The following PGM3 variants were observed in gnomAD, a reference collection of about 807,000 sequenced individuals.
PGM3 encodes phosphoglucomutase 3, also known as phosphoacetylglucosamine mutase.
Under a neutral mutation model 66.2 loss-of-function variants are expected in PGM3, and 40 were observed. The observed-to-expected ratio is 0.60, with a 90% confidence interval of 0.47 to 0.79. The LOEUF is 0.79. Among genes scored for constraint, PGM3 ranks in the 30% least tolerant of loss-of-function variants. The pLI, the probability that PGM3 is intolerant of heterozygous loss-of-function variation, is 0.00. For synonymous variants in PGM3, 191 were observed against 224.2 expected, an observed-to-expected ratio of 0.85 and a Z score of 1.32; for missense variants, 537 against 643.4, an observed-to-expected ratio of 0.83 and a Z score of 1.79.
intron 12 of PGM3, 58 bp downstream of exon 12, chr6:83,170,247 G>A: frequency 2.0e-6 from 3 of 1,491,320 alleles, no homozygotes; most frequent in South Asian, 1.2e-5. Flanking sequence ...CATTAAAATA[G>A]TTTGCCTGCC....
chr6:83,168,967 T>C lies in PGM3; in HGVS notation c.*267A>G, dbSNP rs924114424. The C allele has an allele frequency of 1.7e-6, 2 of 1,207,950 alleles. No individual in the cohort carries two copies. Among genetic ancestry groups the C allele is most frequent in the East Asian group, 3.8e-5 (1 of 26,104 alleles). 74.8% of individuals were successfully genotyped at this position (1,207,950 alleles called of 1,614,324 possible). A position where few individuals can be genotyped will look rare whatever the true frequency, so the allele number is the denominator to read the frequency against. ...ATGAATTGTTCCCCACATAAAACTGTACAGTTAGTGACTGAATTGTATACT... is the reference window on the plus strand; with the variant it reads ...ATGAATTGTTCCCCACATAAAACTGCACAGTTAGTGACTGAATTGTATACT... On this transcript the variant is annotated 3_prime_UTR_variant, in exon 13 of 13. Transcript: ENST00000513973.
rs3207620 is a variant in PGM3, at chr6:83,168,299, T to C, written c.*935A>G. 3.4e-3 allele frequency: 4,830 copies of C among 1,432,122 alleles called. 139 individuals carry two copies. In the African/African-American group the frequency reaches 0.057, roughly 17 times the overall value. The allele number at this position is 1,432,122 out of a possible 1,614,324, so 88.7% of individuals were successfully genotyped here. A position where few individuals can be genotyped will look rare whatever the true frequency, so the allele number is the denominator to read the frequency against. The stretch of plus-strand genomic sequence containing the variant: ...TTTCAGATTGTATTTAATTTAAATA[T>C]TTGTATATAAGAGCAAATGTCTGAA... On this transcript the variant is annotated 3_prime_UTR_variant, in exon 13 of 13. Transcript: ENST00000513973.
chr6:83,157,698 C>A (rs1783116513), downstream of PGM3, among the ~76,000 whole-genome samples: 1 of 152,200 alleles, frequency 6.6e-6, no homozygotes, highest in African/African-American at 2.4e-5. Flanking sequence ...CTGGATTTAA[C>A]TGCTCTGACA....
rs1786368212 is a variant in PGM3, at chr6:83,168,393, T to TAC, written c.*839_*840dup. 3.9e-6 allele frequency: 5 copies of TAC among 1,297,764 alleles called. No homozygotes were observed. Among genetic ancestry groups the TAC allele is most frequent in the East Asian group, 6.5e-5 (2 of 30,698 alleles). The allele number at this position is 1,297,764 out of a possible 1,614,324, so 80.4% of individuals were successfully genotyped here. A position where few individuals can be genotyped will look rare whatever the true frequency, so the allele number is the denominator to read the frequency against. On this transcript the variant is annotated 3_prime_UTR_variant, in exon 13 of 13. Coordinates refer to ENST00000513973, the MANE Select transcript of PGM3 (RefSeq NM_015599.3). ...ATGGTGCCTAAGAGAGCTATATATA[T>TAC]ACACATGTAAAGTCCATTGTTTTTA...
At position 83,170,456 on chromosome 6, in the gene PGM3, C is replaced by T; in HGVS notation, c.1388G>A (p.Ser463Asn). The T allele has an allele frequency of 1.2e-6, 2 of 1,613,988 alleles. No individual in the cohort carries two copies. The highest frequency in any genetic ancestry group is 8.5e-7 in the Non-Finnish European group (1 of 1,179,908). The change falls in exon 12 of 13, where the codon AGC (serine) becomes AAC (asparagine). Residue 463 changes from serine to asparagine, a missense_variant. Transcript: ENST00000513973. ...KVQVADRRVI[S>N]TTDAERQAVT... The stretch of plus-strand genomic sequence containing the variant: ...TGCTTGTCTTTCAGCATCGGTAGTG[C>T]TAATAACTCTCCTGTCTGCAACCTA...
At chr6:83,163,110 T>G (rs1394838924), downstream of PGM3, among the ~76,000 whole-genome samples, 1 of 152,142 alleles carries the variant, frequency 6.6e-6, no homozygotes, top group African/African-American at 2.4e-5. Context: ...TCGTATGTAT[T>G]TTAAAGGAAT....
At chr6:83,182,738 T>C in intron 5 of PGM3, 107 bp downstream of exon 5, 1 of 1,021,076 alleles carries the variant, frequency 9.8e-7, no homozygotes, top group Non-Finnish European at 1.5e-6. Context: ...ATATGCAGCA[T>C]CTTTGGAAAA....
the PGM3 span, chr6:83,153,323 T>A: frequency 2.4e-6 from 1 of 418,458 alleles, no homozygotes; most frequent in East Asian, 4.0e-5. Flanking sequence ...ATTTATATCC[T>A]ATAGTAACAA....
At chr6:83,191,384 T>TAAAAAAAAAA in intron 1 of PGM3, 1 of 682,022 alleles carries the variant, frequency 1.5e-6, no homozygotes, top group South Asian at 1.8e-5. Flanking sequence ...CATTTCATTT[T>TAAAAAAAAAA]ACAAAAAGGG....
intron 10 of PGM3, 111 bp downstream of exon 10, chr6:83,174,263 C>G: frequency 1.6e-6 from 1 of 631,208 alleles, no homozygotes; most frequent in African/African-American, 1.9e-5. Flanking sequence ...AGAAGGAAGC[C>G]ACCAGGCCAG....
intron 4 of PGM3, 110 bp downstream of exon 4, chr6:83,186,898 A>G: frequency 1.7e-6 from 1 of 584,890 alleles, no homozygotes; most frequent in Non-Finnish European, 3.0e-6. Flanking sequence ...TTTTTTAAAC[A>G]TTTTTTGTTC....
Position 83,166,294 on chromosome 6 carries a change from T to C in PGM3, c.*2940A>G, listed in dbSNP as rs780567358. 1.1e-4 allele frequency: 67 copies of C among 607,510 alleles called. No homozygotes were observed. The highest frequency in any genetic ancestry group is 1.9e-4 in the Non-Finnish European group (63 of 338,910). 37.6% of individuals were successfully genotyped at this position (607,510 alleles called of 1,614,324 possible). On this transcript the variant is annotated 3_prime_UTR_variant, in exon 13 of 13. Transcript: ENST00000513973. ...GTTGTAAGAGGATCAGCTTCGATGA[T>C]GTTCTCAATTGGTCATTATCAATTT...
rs965071766 is a variant in PGM3 at position 83,184,184 on chromosome 6, A to G, written c.458-1206T>C. On this transcript the variant is annotated intron_variant, in intron 4 of 12. Coordinates refer to ENST00000513973, the MANE Select transcript of PGM3 (RefSeq NM_015599.3). ...GCTTACAGTTAAACATAGCTAACATATAAGAAAAGCACCATGAGCAAAAAA... is the reference window on the plus strand; with the variant it reads ...GCTTACAGTTAAACATAGCTAACATGTAAGAAAAGCACCATGAGCAAAAAA... Among the ~76,000 whole-genome samples the G allele has an allele frequency of 4.6e-5, 7 of 152,352 alleles. No homozygotes were observed. In the South Asian group the frequency reaches 1.5e-3, roughly 32 times the overall value.
intron 4 of PGM3, among the ~76,000 whole-genome samples, chr6:83,183,508 C>T (rs1788347003): frequency 6.6e-6 from 1 of 152,156 alleles, no homozygotes; most frequent in Non-Finnish European, 1.5e-5. Flanking sequence ...CAGTAGAAGA[C>T]CAGACTCTCA....
At chr6:83,153,740 T>A in the PGM3 span, 3 of 1,169,832 alleles carry the variant, frequency 2.6e-6, no homozygotes, top group East Asian at 8.1e-5. Flanking sequence ...TGAATTATAA[T>A]TGTTTAAAAA....
At chr6:83,160,670 T>C (rs542807247), downstream of PGM3, among the ~76,000 whole-genome samples, 1 of 152,290 alleles carries the variant, frequency 6.6e-6, no homozygotes, top group Admixed American at 6.5e-5. Context: ...TAAAAGCATA[T>C]ATAAATTTTA....
chr6:83,148,805 C>T, the PGM3 span: 2 of 1,563,504 alleles, frequency 1.3e-6, no homozygotes. Flanking sequence ...ACTGTTGATA[C>T]TTCTGAAAGA....
downstream of PGM3, among the ~76,000 whole-genome samples, chr6:83,158,785 C>T (rs1388445954): frequency 6.6e-6 from 1 of 152,086 alleles, no homozygotes; most frequent in African/African-American, 2.4e-5. Context: ...ATTCCTTAAG[C>T]CCTTTAGATT....
At chr6:83,184,949 G>A (rs1442887127) in intron 4 of PGM3, among the ~76,000 whole-genome samples, 1 of 152,102 alleles carries the variant, frequency 6.6e-6, no homozygotes, top group Non-Finnish European at 1.5e-5. Context: ...CTATGTTGCA[G>A]CTACATTAAC....
Sources: allele counts gnomAD v4.1 joint callset (sites outside exome capture counted in the v4.1 genomes callset), GRCh38; gene constraint gnomAD v4.1.1; transcripts MANE v1.5; gene names NCBI Gene and HGNC (gene_info 2026-07-23, HGNC 2026-07-21).